Variants in NALF1 observed in about 807,000 individuals in gnomAD.
NALF1 encodes NALCN channel auxiliary factor 1.
NALF1 carries 3 observed loss-of-function variants against 48.4 expected under a neutral mutation model. The observed-to-expected ratio is 0.06, with a 90% CI of 0.03 to 0.16. The LOEUF (loss-of-function observed/expected upper bound fraction) is 0.16, where lower values mean the gene tolerates loss of function less well. Ranked by LOEUF, NALF1 falls within the 10% of genes least tolerant of loss-of-function variation. The pLI is 1.00. For missense variants in NALF1, 526 were observed against 571.5 expected, an observed-to-expected ratio of 0.92 and a Z score of 0.81; for synonymous variants, 262 against 245.7, an observed-to-expected ratio of 1.07 and a Z score of -0.62.
chr13:107,712,846 C>T (rs1461880178), intron 1 of NALF1, among the ~76,000 whole-genome samples: 3 of 152,188 alleles, frequency 2.0e-5, no homozygotes, highest in Admixed American at 6.5e-5. Context: ...TCCCTAAATT[C>T]AAAAGACTTT....
At chr13:107,655,951 A>G (rs1328093810) in intron 1 of NALF1, among the ~76,000 whole-genome samples, 1 of 152,164 alleles carries the variant, frequency 6.6e-6, no homozygotes, top group Non-Finnish European at 1.5e-5. Flanking sequence ...ATAATTGGCT[A>G]GCCACATGTA....
At chr13:107,596,265 A>G (rs7990348) in intron 1 of NALF1, among the ~76,000 whole-genome samples, 80,562 of 152,014 alleles carry the variant, frequency 0.53, 22,070 homozygotes, top group African/African-American at 0.63. Context: ...CAGTGTGGCG[A>G]TTCCTCAAGG....
At chr13:107,796,084 C>G (rs1237407791) in intron 1 of NALF1, among the ~76,000 whole-genome samples, 2 of 152,118 alleles carry the variant, frequency 1.3e-5, no homozygotes, top group African/African-American at 2.4e-5. Flanking sequence ...CATTTTTTAA[C>G]AATCCAACAG....
intron 1 of NALF1, among the ~76,000 whole-genome samples, chr13:107,763,684 T>C (rs970314460): frequency 1.3e-5 from 2 of 152,200 alleles, no homozygotes; most frequent in Non-Finnish European, 2.9e-5. Flanking sequence ...CATTGACTTA[T>C]GTACCCATGG....
chr13:107,480,989 A>T (rs1451306006), intron 1 of NALF1, among the ~76,000 whole-genome samples: 1 of 152,170 alleles, frequency 6.6e-6, no homozygotes, highest in Non-Finnish European at 1.5e-5. Flanking sequence ...TGAAAAAAAA[A>T]ACTTTGATCG....
At chr13:107,292,992 C>CTTTTTCTTTTTTTTTTTTTTTTTT in intron 1 of NALF1, among the ~76,000 whole-genome samples, 1 of 110,678 alleles carries the variant, frequency 9.0e-6, no homozygotes, top group Non-Finnish European at 1.8e-5. Context: ...TTTTCTTTTT[C>CTTTTTCTTTTTTTTTTTTTTTTTT]TTTTTTTTTT....
intron 1 of NALF1, among the ~76,000 whole-genome samples, chr13:107,438,553 C>T (rs113596752): frequency 2.4e-4 from 37 of 152,090 alleles, no homozygotes; most frequent in African/African-American, 8.7e-4. Context: ...CCTGTCATCT[C>T]AGCACTTTGG....
chr13:107,494,804 TAGA>T (rs1199094634), intron 1 of NALF1, among the ~76,000 whole-genome samples: 1 of 152,186 alleles, frequency 6.6e-6, no homozygotes, highest in African/African-American at 2.4e-5. Flanking sequence ...TAATGACAGA[TAGA>T]AGAACACATA....
At chr13:107,365,743 T>A (rs930212581) in intron 1 of NALF1, among the ~76,000 whole-genome samples, 1 of 152,164 alleles carries the variant, frequency 6.6e-6, no homozygotes, top group African/African-American at 2.4e-5. Context: ...AGTAGAGAGA[T>A]CCTCTTTTAG....
chr13:107,307,113 C>A (rs1454627866), intron 1 of NALF1, among the ~76,000 whole-genome samples: 3 of 152,228 alleles, frequency 2.0e-5, no homozygotes, highest in South Asian at 4.1e-4. Flanking sequence ...TGTGCCCATT[C>A]TTCTAATCAA....
chr13:107,290,069 C>T (rs1425590069), intron 1 of NALF1, among the ~76,000 whole-genome samples: 1 of 151,302 alleles, frequency 6.6e-6, no homozygotes, highest in African/African-American at 2.4e-5. Context: ...GGTGCTTGGA[C>T]TTAGTAGACT....
chr13:107,220,390 G>A (rs556302267), intron 1 of NALF1, among the ~76,000 whole-genome samples: 2 of 152,168 alleles, frequency 1.3e-5, no homozygotes, highest in African/African-American at 4.8e-5. Flanking sequence ...TTTAAACCTG[G>A]TCTGCATTAC....
rs138190504 is a variant in NALF1, at chr13:107,739,893, C to T, written c.915+125789G>A. On this transcript the variant is annotated intron_variant, in intron 1 of 2. Transcript: ENST00000375915. ...TGTGAGGGATCTAGGTTGTGTGCTA[C>T]TTATGAGAATCTAATGCCTGATGAT... Among the ~76,000 whole-genome samples, 481 of 152,302 alleles carry T rather than the reference C, an allele frequency of 3.2e-3. 3 individuals carry two copies. The highest frequency in any genetic ancestry group is 0.011 in the African/African-American group (458 of 41,542).
chr13:107,348,428 T>A (rs1882812724), intron 1 of NALF1, among the ~76,000 whole-genome samples: 1 of 152,102 alleles, frequency 6.6e-6, no homozygotes, highest in Non-Finnish European at 1.5e-5. Flanking sequence ...AAATCTTAAT[T>A]TTTTTTTAAA....
chr13:107,531,494 CAATT>C (rs1876638268), intron 1 of NALF1, among the ~76,000 whole-genome samples: 1 of 152,010 alleles, frequency 6.6e-6, no homozygotes, highest in East Asian at 1.9e-4. Flanking sequence ...AATCATGAGC[CAATT>C]AAACCTCTTT....
At chr13:107,530,346 C>T (rs1292794204) in intron 1 of NALF1, among the ~76,000 whole-genome samples, 3 of 152,136 alleles carry the variant, frequency 2.0e-5, no homozygotes, top group East Asian at 3.8e-4. Context: ...ATATCCACCA[C>T]TAGCATGGAT....
At chr13:107,806,203 T>G (rs1878782662) in intron 1 of NALF1, among the ~76,000 whole-genome samples, 1 of 152,170 alleles carries the variant, frequency 6.6e-6, no homozygotes, top group Non-Finnish European at 1.5e-5. Context: ...TGCTCCTGGG[T>G]TCTGTTGCCT....
intron 1 of NALF1, among the ~76,000 whole-genome samples, chr13:107,219,310 TA>T (rs1462541720): frequency 1.3e-5 from 2 of 152,202 alleles, no homozygotes; most frequent in Admixed American, 1.3e-4. Flanking sequence ...ACCTGGCCTG[TA>T]TGGACTGTCA....
At chr13:107,740,261 G>A (rs1876593587) in intron 1 of NALF1, among the ~76,000 whole-genome samples, 1 of 151,922 alleles carries the variant, frequency 6.6e-6, no homozygotes, top group Admixed American at 6.6e-5. Context: ...TAGAAAACTA[G>A]GCATTTTCCA....
Sources: gnomAD v4.1 joint callset for allele counts (sites outside exome capture counted in the v4.1 genomes callset) on GRCh38, gnomAD v4.1.1 for gene constraint, MANE v1.5 for transcripts, NCBI Gene and HGNC (gene_info 2026-07-23, HGNC 2026-07-21) for gene names.